PLCG2: variants seen among roughly 807,000 people sequenced by gnomAD.
The protein encoded by PLCG2 is 1-phosphatidylinositol 4,5-bisphosphate phosphodiesterase gamma-2.
Under a neutral mutation model 175.6 loss-of-function variants are expected in PLCG2, and 69 were observed. The ratio of observed to expected loss-of-function variants is 0.39; its 90% CI spans 0.32 to 0.48. The LOEUF is 0.48. Among genes scored for constraint, PLCG2 ranks in the 20% least tolerant of loss-of-function variants. The pLI is 0.91. For missense variants in PLCG2, 1,798 were observed against 1,650.9 expected (o/e 1.09, Z -1.54); for synonymous variants, 827 against 624.0 (o/e 1.33, Z -4.85).
intron 22 of PLCG2, among the ~76,000 whole-genome samples, chr16:81,925,013 G>C (rs1910206001): frequency 6.6e-6 from 1 of 152,246 alleles, no homozygotes; most frequent in Non-Finnish European, 1.5e-5. Context: ...TGCGCACTGG[G>C]TGGGTGACTA....
At chr16:81,913,916 C>G (rs1909735719) in intron 19 of PLCG2, among the ~76,000 whole-genome samples, 1 of 152,140 alleles carries the variant, frequency 6.6e-6, no homozygotes, top group Non-Finnish European at 1.5e-5. Flanking sequence ...CTATAGTTTA[C>G]TGAGGACCTA....
In PLCG2 at chr16:81,919,597, A is replaced by G; in HGVS notation, c.2168A>G (p.His723Arg). 3.1e-6 allele frequency: 5 copies of G among 1,614,122 alleles called. No individual in the cohort carries two copies. Among genetic ancestry groups the G allele is most frequent in the Non-Finnish European group, 4.2e-6 (5 of 1,180,008 alleles). ...LVELVSYYEKHSLYRKMRLRY... is the reference protein window; with the variant it reads ...LVELVSYYEKRSLYRKMRLRY... ...GAGCTCGTCAGTTACTACGAGAAGCATTCACTCTACCGAAAGATGAGACTG... is the reference window on the plus strand; with the variant it reads ...GAGCTCGTCAGTTACTACGAGAAGCGTTCACTCTACCGAAAGATGAGACTG... Residue 723 changes from histidine (H) to arginine (R), a missense_variant, in exon 20 of 33, where the codon CAT (histidine) becomes CGT (arginine). Coordinates refer to ENST00000564138, the MANE Select transcript of PLCG2 (RefSeq NM_002661.5).
At chr16:81,779,934 A>T (rs1482144144) in intron 1 of PLCG2, among the ~76,000 whole-genome samples, 1 of 152,182 alleles carries the variant, frequency 6.6e-6, no homozygotes, top group Non-Finnish European at 1.5e-5. Flanking sequence ...GACACTCGCG[A>T]TGCCCGCTCC....
At chr16:81,918,734 A>G (rs1028913128) in intron 19 of PLCG2, among the ~76,000 whole-genome samples, 2 of 152,176 alleles carry the variant, frequency 1.3e-5, no homozygotes, top group African/African-American at 4.8e-5. Flanking sequence ...TATTTGGGGT[A>G]GACATTTTTA....
At chr16:81,750,686 G>A (rs865814763) in intron 1 of PLCG2, among the ~76,000 whole-genome samples, 1 of 5,966 alleles carries the variant, frequency 1.7e-4, no homozygotes, top group South Asian at 9.8e-3. Context: ...TTTTTTTTTT[G>A]AGATAGAGTC....
chr16:81,809,021 C>G (rs1372219781), intron 2 of PLCG2, among the ~76,000 whole-genome samples: 3 of 152,264 alleles, frequency 2.0e-5, no homozygotes, highest in South Asian at 4.1e-4. Context: ...TACTCCTATT[C>G]TAGGGGTGAG....
intron 13 of PLCG2, among the ~76,000 whole-genome samples, chr16:81,897,062 CA>C (rs1432526627): frequency 1.3e-5 from 2 of 152,190 alleles, no homozygotes; most frequent in African/African-American, 4.8e-5. Flanking sequence ...TGCTGAAGTG[CA>C]AAGCAGCCAT....
At chr16:81,885,725 T>A (rs541204865) in intron 9 of PLCG2, among the ~76,000 whole-genome samples, 1 of 152,164 alleles carries the variant, frequency 6.6e-6, no homozygotes, top group African/African-American at 2.4e-5. Context: ...TTGGATTTCA[T>A]TGATGGAAGA....
At chr16:81,855,039 G>A (rs1020866804) in intron 3 of PLCG2, among the ~76,000 whole-genome samples, 2 of 151,868 alleles carry the variant, frequency 1.3e-5, no homozygotes, top group Middle Eastern at 3.2e-3. Context: ...GTGAAACCCT[G>A]TCTCTACTAA....
intron 2 of PLCG2, among the ~76,000 whole-genome samples, chr16:81,818,078 C>A (rs1372194903): frequency 1.3e-5 from 2 of 152,186 alleles, no homozygotes; most frequent in African/African-American, 4.8e-5. Context: ...CGGCTCGTGT[C>A]CCCTGATCTG....
At chr16:81,778,242 C>T (rs930494081), upstream of PLCG2, among the ~76,000 whole-genome samples, 2 of 151,806 alleles carry the variant, frequency 1.3e-5, no homozygotes, top group Admixed American at 6.6e-5. Flanking sequence ...GTGTGGTGTG[C>T]CTCTATAGTC....
rs188884341 is a variant in PLCG2 at position 81,891,689 on chromosome 16, G to C, written c.986+99G>C. 4.1e-6 allele frequency: 3 copies of C among 737,474 alleles called. No homozygotes were observed. The East Asian group carries it at 7.6e-5, about 19-fold the overall frequency. The allele number at this position is 737,474 out of a possible 1,614,324, so 45.7% of individuals were successfully genotyped here. The stretch of plus-strand genomic sequence containing the variant: ...CCGCTCCGGTGAGCCCTGTTGTGAA[G>C]CAGGTGGAGGGTGTAGCACCGCATT... On this transcript the variant is annotated intron_variant, in intron 11 of 32. Transcript: ENST00000564138.
intron 2 of PLCG2, among the ~76,000 whole-genome samples, chr16:81,827,417 A>G (rs192154882): frequency 9.9e-5 from 15 of 151,866 alleles, no homozygotes; most frequent in Admixed American, 8.5e-4. Flanking sequence ...TCGAACTCCT[A>G]GGCTCAAGGA....
At chr16:81,851,020 A>T (rs899816254) in intron 2 of PLCG2, among the ~76,000 whole-genome samples, 5 of 152,270 alleles carry the variant, frequency 3.3e-5, no homozygotes, top group Admixed American at 1.3e-4. Context: ...CCCCCCAGCC[A>T]GCTTGTAGTA....
intron 2 of PLCG2, among the ~76,000 whole-genome samples, chr16:81,811,147 G>C (rs1314895887): frequency 6.6e-6 from 1 of 152,136 alleles, no homozygotes; most frequent in African/African-American, 2.4e-5. Context: ...CAGCAGTGTT[G>C]GGGTTGAACA....
Position 81,958,533 on chromosome 16 carries a change from C to A in PLCG2, c.*535C>A. The A allele has an allele frequency of 4.3e-6, 1 of 231,616 alleles. No individual in the cohort carries two copies. The highest frequency in any genetic ancestry group is 8.5e-6 in the Non-Finnish European group (1 of 117,090). 14.3% of individuals were successfully genotyped at this position (231,616 alleles called of 1,614,324 possible). On this transcript the variant is annotated 3_prime_UTR_variant, in exon 33 of 33. Coordinates refer to ENST00000564138, the MANE Select transcript of PLCG2 (RefSeq NM_002661.5). Reference sequence around the variant, plus strand: ...TCAGTTCAATGTACTTTAACTACCACCGGCTGCCTGCTGCAGTCCACAAGA... The same window carrying A: ...TCAGTTCAATGTACTTTAACTACCAACGGCTGCCTGCTGCAGTCCACAAGA...
intron 17 of PLCG2, among the ~76,000 whole-genome samples, chr16:81,909,677 G>A (rs1242940043): frequency 6.6e-6 from 1 of 152,196 alleles, no homozygotes; most frequent in Non-Finnish European, 1.5e-5. Flanking sequence ...GCCTCCTGAA[G>A]TGCTAGGATT....
At chr16:81,859,893 A>C (rs868286703) in intron 5 of PLCG2, among the ~76,000 whole-genome samples, 7 of 152,216 alleles carry the variant, frequency 4.6e-5, no homozygotes, top group South Asian at 2.1e-4. Context: ...ACGTATATTC[A>C]GTTTACTTGA....
At chr16:81,758,778 A>C (rs1052345961) in intron 2 of PLCG2, among the ~76,000 whole-genome samples, 1 of 151,972 alleles carries the variant, frequency 6.6e-6, no homozygotes, top group African/African-American at 2.4e-5. Flanking sequence ...CCCAGGTTCA[A>C]GCGATTCTCC....
Sources: allele counts gnomAD v4.1 joint callset (sites outside exome capture counted in the v4.1 genomes callset), GRCh38; gene constraint gnomAD v4.1.1; transcripts MANE v1.5; gene names NCBI Gene and HGNC (gene_info 2026-07-23, HGNC 2026-07-21).